Variants in SLC25A44 observed in about 807,000 individuals in gnomAD.
SLC25A44 encodes the protein solute carrier family 25, member 44.
Under a neutral mutation model 29.9 loss-of-function variants are expected in SLC25A44, and 17 were observed. That is an observed-to-expected ratio of 0.57 (90% CI 0.39 to 0.85). The LOEUF is 0.85. Among genes scored for constraint, SLC25A44 ranks in the 40% least tolerant of loss-of-function variants. The pLI is 0.00. For missense variants in SLC25A44, 302 were observed against 398.4 expected, an observed-to-expected ratio of 0.76 and a Z score of 2.06; for synonymous variants, 140 against 151.8, an observed-to-expected ratio of 0.92 and a Z score of 0.57.
chr1:156,197,950 A>G (rs766272318), intron 1 of SLC25A44: 2 of 152,180 alleles, frequency 1.3e-5, no homozygotes, highest in African/African-American at 2.4e-5. Flanking sequence ...CCTTGCTTCC[A>G]TGGTAATCAA....
At chr1:156,208,495 C>T (rs966410363) in intron 3 of SLC25A44, among the ~76,000 whole-genome samples, 6 of 152,118 alleles carry the variant, frequency 3.9e-5, no homozygotes, top group Middle Eastern at 3.4e-3. Context: ...AAAAGAAGCC[C>T]GCCCAGCACT....
intron 2 of SLC25A44, among the ~76,000 whole-genome samples, chr1:156,207,323 G>A (rs894020392): frequency 1.1e-4 from 17 of 151,828 alleles, no homozygotes; most frequent in Non-Finnish European, 4.4e-5. Context: ...GACTACAGGC[G>A]CCTGCCACCA....
rs879145180 is a variant in SLC25A44 at position 156,211,056 on chromosome 1, T to TTTTGTGTG, written c.*626_*627insTTGTGTGT. On this transcript the variant is annotated 3_prime_UTR_variant, in exon 4 of 4. Coordinates refer to ENST00000359511, the MANE Select transcript of SLC25A44 (RefSeq NM_014655.4). Reference sequence around the variant, plus strand: ...TGGGAGAAATGTTGATACTTTTGTTTTGTGTGTGTGTGTGTGTGTGTGTGT... The same window carrying TTTTGTGTG: ...TGGGAGAAATGTTGATACTTTTGTTTTTTGTGTGTGTGTGTGTGTGTGTGTGTGTGTGT... The TTTTGTGTG allele has an allele frequency of 8.6e-5, 12 of 138,966 alleles. No individual in the cohort carries two copies. Among genetic ancestry groups the TTTTGTGTG allele is most frequent in the African/African-American group, 1.9e-4 (7 of 37,328 alleles). 8.6% of individuals were successfully genotyped at this position (138,966 alleles called of 1,614,324 possible). A position where few individuals can be genotyped will look rare whatever the true frequency, so the allele number is the denominator to read the frequency against.
At chr1:156,201,509 C>G (rs1484024635) in intron 2 of SLC25A44, among the ~76,000 whole-genome samples, 11 of 152,260 alleles carry the variant, frequency 7.2e-5, no homozygotes, top group South Asian at 2.1e-4. Context: ...AATTTTCATG[C>G]CTTCTTAACC....
At position 156,210,323 on chromosome 1, in the gene SLC25A44, G is replaced by T; in HGVS notation, c.837G>T (p.Ser279=). 6.2e-7 allele frequency: 1 copy of T among 1,607,432 alleles called. No individual in the cohort carries two copies. Among genetic ancestry groups the T allele is most frequent in the Non-Finnish European group, 8.5e-7 (1 of 1,177,096 alleles). Residue 279 remains serine, a synonymous_variant, in exon 4 of 4, where the codon TCG becomes TCT. Transcript: ENST00000359511. ...EGPWGLMKGL[S]ARIISATPST... is the part of the protein sequence containing the mutation. ...CTTGGGGCCTCATGAAGGGCCTCTC[G>T]GCCAGAATCATCTCAGCCACACCTT...
intron 2 of SLC25A44, 95 bp from the exon 3 acceptor site, chr1:156,207,791 G>A: frequency 7.0e-7 from 1 of 1,422,346 alleles, no homozygotes; most frequent in Non-Finnish European, 9.7e-7. Context: ...GGGTTTGTCT[G>A]GGTTGGGAAA....
rs1234765902 is a variant in SLC25A44 at position 156,200,020 on chromosome 1, T to G, written c.173T>G (p.Phe58Cys). ...QKGKSLYHGT[F>C]DAFIKILRAD... ...GGGAAGAGCCTCTACCATGGGACCT[T>G]CGATGCCTTCATCAAGATCCTGCGA... is the stretch of plus-strand genomic sequence containing the variant. The change falls in exon 2 of 4, where the codon TTC (phenylalanine) becomes TGC (cysteine). Residue 58 changes from phenylalanine (F) to cysteine (C), a missense_variant. Transcript: ENST00000359511. 1.2e-6 allele frequency: 2 copies of G among 1,614,054 alleles called. No homozygotes were observed. Among genetic ancestry groups the G allele is most frequent in the Non-Finnish European group, 1.7e-6 (2 of 1,180,046 alleles).
intron 3 of SLC25A44, 145 bp from the exon 4 acceptor site, chr1:156,210,095 C>T: frequency 2.1e-6 from 1 of 478,344 alleles, no homozygotes; most frequent in African/African-American, 2.0e-5. Flanking sequence ...TACTAAATCA[C>T]TGTGCTGTAC....
intron 3 of SLC25A44, among the ~76,000 whole-genome samples, chr1:156,208,500 A>G (rs1241219279): frequency 6.6e-6 from 1 of 152,152 alleles, no homozygotes; most frequent in Non-Finnish European, 1.5e-5. Context: ...AAGCCCGCCC[A>G]GCACTTAAAG....
chr1:156,210,211 A>G (rs765992943), intron 3 of SLC25A44, 29 bp from the exon 4 acceptor site: 3 of 1,474,916 alleles, frequency 2.0e-6, no homozygotes, highest in Middle Eastern at 1.8e-4. Context: ...ACTACAGACA[A>G]TGGCCCTCCA....
In SLC25A44 at chr1:156,207,916, G is replaced by A. The variant is rs1572463196; in HGVS notation, c.656G>A (p.Cys219Tyr). The change falls in exon 3 of 4, where the codon TGC becomes TAC. Residue 219 changes from cysteine (C) to tyrosine (Y), a missense_variant. By Grantham distance (194) the Cys-to-Tyr change is radical. Coordinates refer to ENST00000359511, the MANE Select transcript of SLC25A44 (RefSeq NM_014655.4). ...EQLSYLCPKE[C>Y]PHIVFQAVSG... Reference sequence around the variant, plus strand: ...CTCTCCTACCTGTGTCCTAAGGAGTGCCCTCACATTGTCTTTCAAGCTGTC... The same window carrying A: ...CTCTCCTACCTGTGTCCTAAGGAGTACCCTCACATTGTCTTTCAAGCTGTC... 6.2e-7 allele frequency: 1 copy of A among 1,613,902 alleles called. No homozygotes were observed. The highest frequency in any genetic ancestry group is 1.1e-5 in the South Asian group (1 of 91,056).
At chr1:156,208,830 A>G (rs1264006309) in intron 3 of SLC25A44, among the ~76,000 whole-genome samples, 1 of 152,204 alleles carries the variant, frequency 6.6e-6, no homozygotes. Flanking sequence ...GCCCATAGTA[A>G]TGGTTGTCTT....
Position 156,198,563 on chromosome 1 carries a change from C to T in SLC25A44, c.-13-1272C>T, listed in dbSNP as rs1175826445. 6.6e-6 allele frequency: 1 copy of T among 152,224 alleles called. No homozygotes were observed. The highest frequency in any genetic ancestry group is 2.4e-5 in the African/African-American group (1 of 41,420). The allele number at this position is 152,224 out of a possible 1,614,324, so 9.4% of individuals were successfully genotyped here. On this transcript the variant is annotated intron_variant, in intron 1 of 3. Coordinates refer to ENST00000359511, the MANE Select transcript of SLC25A44 (RefSeq NM_014655.4). The surrounding 1 kb of genome is among the most constrained non-coding windows in gnomAD (Gnocchi z 4.1). ...TTCAGGGCTCAGGTGATCCTCCCAC[C>T]TCAGCCACCCAAGTAGCTGGGACCA...
chr1:156,200,064 C>T lies in SLC25A44; in HGVS notation c.217C>T (p.Leu73Phe), dbSNP rs765645306. Residue 73 changes from leucine (L) to phenylalanine (F), a missense_variant, in exon 2 of 4, where the codon CTC becomes TTC. Coordinates refer to ENST00000359511, the MANE Select transcript of SLC25A44 (RefSeq NM_014655.4). Reference protein sequence around the residue: ...KILRADGITGLYRGFLVNTFT... With the variant: ...KILRADGITGFYRGFLVNTFT... ...CCTGCGAGCAGATGGTATCACTGGC[C>T]TCTACCGAGGGTTCCTGGTCAATAC... 59 of 1,614,038 alleles carry T rather than the reference C, an allele frequency of 3.7e-5. No individual in the cohort carries two copies. The highest frequency in any genetic ancestry group is 5.0e-5 in the Non-Finnish European group (59 of 1,180,026).
intron 2 of SLC25A44, 147 bp downstream of exon 2, chr1:156,200,619 A>G: frequency 1.3e-6 from 1 of 783,760 alleles, no homozygotes; most frequent in Non-Finnish European, 2.0e-6. Flanking sequence ...AGGAGGATTT[A>G]AAGATGCATA....
rs762918065 is a variant in SLC25A44 at position 156,199,898 on chromosome 1, G to A, written c.51G>A (p.Lys17=). The change falls in exon 2 of 4, where the codon AAG becomes AAA. Residue 17 remains lysine (K), a synonymous_variant. Transcript: ENST00000359511. ...TCATCGAGTGGGAACACCTGGACAAGAAGAAGTTCTACGTGTTTGGTGTGG... is the reference window on the plus strand; with the variant it reads ...TCATCGAGTGGGAACACCTGGACAAAAAGAAGTTCTACGTGTTTGGTGTGG... ...IQIIEWEHLD[K]KKFYVFGVAM... 2.5e-6 allele frequency: 4 copies of A among 1,614,174 alleles called. No individual in the cohort carries two copies. Among genetic ancestry groups the A allele is most frequent in the Non-Finnish European group, 3.4e-6 (4 of 1,180,000 alleles).
At position 156,200,100 on chromosome 1, in the gene SLC25A44, A is replaced by G; in HGVS notation, c.253A>G (p.Ile85Val). The change falls in exon 2 of 4, where the codon ATC becomes GTC. Residue 85 changes from isoleucine (I) to valine (V), a missense_variant. Physicochemically the swap from Ile to Val is conservative, Grantham distance 29 (BLOSUM62 3). Coordinates refer to ENST00000359511, the MANE Select transcript of SLC25A44 (RefSeq NM_014655.4). The stretch of plus-strand genomic sequence containing the variant: ...GTTCCTGGTCAATACCTTCACCCTC[A>G]TCTCTGGCCAGTGTTATGTCACCAC... ...RGFLVNTFTL[I>V]SGQCYVTTYE... is the part of the protein sequence containing the mutation. The G allele has an allele frequency of 6.2e-7, 1 of 1,614,202 alleles. No individual in the cohort carries two copies. Among genetic ancestry groups the G allele is most frequent in the Non-Finnish European group, 8.5e-7 (1 of 1,180,036 alleles).
chr1:156,207,865 T>C (rs1306055649), intron 2 of SLC25A44, 21 bp from the exon 3 acceptor site: 1 of 1,613,322 alleles, frequency 6.2e-7, no homozygotes, highest in South Asian at 1.1e-5. Flanking sequence ...TCTTTAGCCA[T>C]TGTCTTTCCC....
Position 156,211,435 on chromosome 1 carries a change from G to C in SLC25A44, c.*1004G>C, listed in dbSNP as rs572818510. 6.6e-6 allele frequency: 1 copy of C among 152,564 alleles called. No homozygotes were observed. Among genetic ancestry groups the C allele is most frequent in the Admixed American group, 6.5e-5 (1 of 15,304 alleles). The allele number at this position is 152,564 out of a possible 1,614,324, so 9.5% of individuals were successfully genotyped here. A position where few individuals can be genotyped will look rare whatever the true frequency, so the allele number is the denominator to read the frequency against. On this transcript the variant is annotated 3_prime_UTR_variant, in exon 4 of 4. Transcript: ENST00000359511. ...CCAGCACATTACCCAGGCCAGCAGA[G>C]CCAAACCTAGGAGAGGGCAGTGGGT...
Sources: allele counts gnomAD v4.1 joint callset (sites outside exome capture counted in the v4.1 genomes callset), GRCh38; gene constraint gnomAD v4.1.1; non-coding constraint Gnocchi (gnomAD v3.1); transcripts MANE v1.5; gene names NCBI Gene and HGNC (gene_info 2026-07-23, HGNC 2026-07-21).